The following CLASP1 variants were observed in gnomAD, a reference collection of about 807,000 sequenced individuals.
CLASP1 encodes CLIP-associating protein 1.
CLASP1 carries 38 observed loss-of-function variants against 192.3 expected under a neutral mutation model. That is an observed-to-expected ratio of 0.20 (90% CI 0.15 to 0.26). The LOEUF (loss-of-function observed/expected upper bound fraction) is 0.26. Ranked by LOEUF, CLASP1 falls within the 10% of genes least tolerant of loss-of-function variation. The probability of loss-of-function intolerance (pLI) is 1.00; values close to 1 mark genes in which losing one functional copy is unlikely to be tolerated. For synonymous variants in CLASP1, 691 were observed against 712.8 expected (o/e 0.97, Z 0.49); for missense variants, 1,433 against 1,932.5 (o/e 0.74, Z 4.85).
chr2:121,363,150 C>T, intron 37 of CLASP1, 22 bp downstream of exon 38: 2 of 1,613,776 alleles, frequency 1.2e-6, no homozygotes, highest in Non-Finnish European at 1.7e-6. Flanking sequence ...GTTCAGCACC[C>T]CTGGCCACAT....
At chr2:121,588,651 C>G (rs865999784) in intron 2 of CLASP1, among the ~76,000 whole-genome samples, 2 of 152,272 alleles carry the variant, frequency 1.3e-5, no homozygotes, top group Middle Eastern at 6.8e-3. Context: ...AATGAAGGCT[C>G]AATGGCACAT....
intron 2 of CLASP1, among the ~76,000 whole-genome samples, chr2:121,584,018 A>G (rs992877120): frequency 1.3e-5 from 2 of 152,154 alleles, no homozygotes; most frequent in Non-Finnish European, 2.9e-5. Context: ...GCAACAAGGT[A>G]TCATCCTGGT....
rs1167485076 is a variant in CLASP1 at position 121,635,256 on chromosome 2, CT to C, written c.-286+14115del. Among the ~76,000 whole-genome samples, 11 of 151,762 alleles carry C rather than the reference CT, an allele frequency of 7.2e-5. No homozygotes were observed. The East Asian group carries it at 1.9e-3, about 27-fold the overall frequency. ...AGAAAAGAAAAGAAAGAAAATGACT[CT>C]GTTGATTGACAATTACCTGGAAAGC... On this transcript the variant is annotated intron_variant, in intron 1 of 39. Transcript: ENST00000263710.
intron 12 of CLASP1, among the ~76,000 whole-genome samples, chr2:121,459,379 A>G (rs1023370533): frequency 2.0e-5 from 3 of 152,110 alleles, no homozygotes; most frequent in African/African-American, 7.2e-5. Flanking sequence ...TAAAACACAA[A>G]TATGAAAAAG....
exon 40 of CLASP1, chr2:121,338,817 G>A (rs1332537105): frequency 6.6e-6 from 1 of 152,182 alleles, no homozygotes; most frequent in South Asian, 2.1e-4. Flanking sequence ...GAGTCAAAGA[G>A]CTCAAGGAGA....
At chr2:121,589,352 G>A (rs1298870485) in intron 2 of CLASP1, among the ~76,000 whole-genome samples, 4 of 152,134 alleles carry the variant, frequency 2.6e-5, no homozygotes, top group Non-Finnish European at 5.9e-5. Flanking sequence ...ACTATAGGCC[G>A]GGTGCGGTGG....
exon 35 of CLASP1, chr2:121,367,634 G>C: frequency 6.2e-7 from 1 of 1,614,042 alleles, no homozygotes. Context: ...CCTCTTTCAG[G>C]GCGGTCTTGT....
At chr2:121,551,635 C>A (rs760322904) in intron 2 of CLASP1, among the ~76,000 whole-genome samples, 3 of 152,016 alleles carry the variant, frequency 2.0e-5, no homozygotes, top group Non-Finnish European at 4.4e-5. Context: ...AGGAATACAG[C>A]GAACCAGGAA....
chr2:121,521,470 G>T (rs572037992), intron 6 of CLASP1, among the ~76,000 whole-genome samples: 1 of 152,284 alleles, frequency 6.6e-6, no homozygotes, highest in African/African-American at 2.4e-5. Context: ...AGGCTGAGGT[G>T]CCCAAGACTC....
chr2:121,538,796 A>C (rs1008220305), intron 2 of CLASP1, among the ~76,000 whole-genome samples: 2 of 152,102 alleles, frequency 1.3e-5, no homozygotes, highest in Non-Finnish European at 2.9e-5. Context: ...AAAAAAAAAA[A>C]ACTACAAGAT....
At chr2:121,638,003 T>C (rs1162725049) in intron 1 of CLASP1, among the ~76,000 whole-genome samples, 3 of 151,796 alleles carry the variant, frequency 2.0e-5, no homozygotes, top group African/African-American at 7.3e-5. Flanking sequence ...AAGAGGACAT[T>C]ATCAAGAAAG....
intron 2 of CLASP1, among the ~76,000 whole-genome samples, chr2:121,546,380 G>A (rs1254925799): frequency 1.3e-5 from 2 of 151,382 alleles, no homozygotes; most frequent in Non-Finnish European, 2.9e-5. Flanking sequence ...CTCACGAGAG[G>A]AGCGAAGGGG....
chr2:121,518,911 C>T (rs2094393037), intron 6 of CLASP1, among the ~76,000 whole-genome samples: 1 of 152,098 alleles, frequency 6.6e-6, no homozygotes, highest in African/African-American at 2.4e-5. Flanking sequence ...GCATATATTA[C>T]AGAAGTAGTC....
intron 32 of CLASP1, among the ~76,000 whole-genome samples, chr2:121,384,053 C>CAT (rs1455200088): frequency 1.5e-5 from 2 of 135,390 alleles, no homozygotes; most frequent in African/African-American, 2.7e-5. Context: ...TATATACACA[C>CAT]ATATATGTAT....
intron 8 of CLASP1, among the ~76,000 whole-genome samples, chr2:121,490,973 T>C (rs1050737980): frequency 6.6e-6 from 1 of 152,074 alleles, no homozygotes; most frequent in African/African-American, 2.4e-5. Context: ...GGCTTCTTAA[T>C]AAAGAAAAGA....
chr2:121,404,278 A>G, intron 26 of CLASP1, 93 bp downstream of exon 27: 1 of 1,547,110 alleles, frequency 6.5e-7, no homozygotes. Flanking sequence ...GAACTGCACT[A>G]TCGGGAATTC....
intron 39 of CLASP1, among the ~76,000 whole-genome samples, chr2:121,343,387 T>A (rs1476254307): frequency 6.6e-6 from 1 of 152,158 alleles, no homozygotes; most frequent in Non-Finnish European, 1.5e-5. Flanking sequence ...CATAGCAGCA[T>A]TATTCACAAG....
intron 5 of CLASP1, among the ~76,000 whole-genome samples, chr2:121,526,270 T>C (rs2094571473): frequency 6.6e-6 from 1 of 152,218 alleles, no homozygotes; most frequent in East Asian, 1.9e-4. Flanking sequence ...TTAAGCCAAC[T>C]ACGAGTCACT....
chr2:121,478,934 A>C (rs1575283954), intron 8 of CLASP1, among the ~76,000 whole-genome samples: 33 of 8,296 alleles, frequency 4.0e-3, no homozygotes, highest in Admixed American at 6.3e-3. Context: ...ACCACACAAC[A>C]CCCCCCACAC....
Sources: allele counts gnomAD v4.1 joint callset (sites outside exome capture counted in the v4.1 genomes callset), GRCh38; gene constraint gnomAD v4.1.1; transcripts MANE v1.5; gene names NCBI Gene and HGNC (gene_info 2026-07-23, HGNC 2026-07-21).